The following IKBKE variants were observed in gnomAD, a reference collection of about 807,000 sequenced individuals.
IKBKE encodes inhibitor of nuclear factor kappa B kinase subunit epsilon.
In IKBKE, 45 loss-of-function variants were observed where a neutral mutation model predicts 92.1. That is an observed-to-expected ratio of 0.49 (90% CI 0.38 to 0.63). The LOEUF is 0.63. Ranked by LOEUF, IKBKE falls within the 20% of genes least tolerant of loss-of-function variation. The pLI is 0.00. For missense variants in IKBKE, 700 were observed against 932.8 expected, an observed-to-expected ratio of 0.75 and a Z score of 3.25; for synonymous variants, 374 against 380.3, an observed-to-expected ratio of 0.98 and a Z score of 0.19.
rs375733799 is a variant in IKBKE, at chr1:206,487,902, T to C, written c.1617-12T>C. On this transcript the variant is annotated splice_polypyrimidine_tract_variant and intron_variant, in intron 15 of 21. Coordinates refer to ENST00000581977, the MANE Select transcript of IKBKE (RefSeq NM_014002.4). The surrounding 1 kb of genome is among the most constrained non-coding windows in gnomAD (Gnocchi z 5.3). The stretch of plus-strand genomic sequence containing the variant: ...ATTCTTCCAACACCTGGTCCCTGTC[T>C]CCTGCCCACAGCATCCAGCAGATTC... 5.8e-5 allele frequency: 93 copies of C among 1,611,484 alleles called. 1 individual carries two copies. The African/African-American group carries it at 8.4e-4, about 15-fold the overall frequency.
chr1:206,488,170 AGGCCCCTGTCTGCAAGC>A (rs1665764918), intron 16 of IKBKE, among the ~76,000 whole-genome samples, 180 bp downstream of exon 16: 1 of 152,254 alleles, frequency 6.6e-6, no homozygotes, highest in African/African-American at 2.4e-5. Context: ...TCTAGGGGCA[AGGCCCCTGTCTGCAAGC>A]TGCCTGCAGG....
At chr1:206,484,793 A>G (rs140326335) in intron 13 of IKBKE, among the ~76,000 whole-genome samples, 81 of 152,224 alleles carry the variant, frequency 5.3e-4, no homozygotes, top group Admixed American at 1.2e-3. Flanking sequence ...TATTTGCAAT[A>G]CTCAACAATG....
chr1:206,496,299 C>T lies in IKBKE; in HGVS notation c.*154C>T. 6.0e-6 allele frequency: 4 copies of T among 668,032 alleles called. No individual in the cohort carries two copies. The highest frequency in any genetic ancestry group is 8.2e-6 in the Non-Finnish European group (3 of 367,910). 41.4% of individuals were successfully genotyped at this position (668,032 alleles called of 1,614,324 possible). A position where few individuals can be genotyped will look rare whatever the true frequency, so the allele number is the denominator to read the frequency against. Reference sequence around the variant, plus strand: ...CCAGGATGTCGCCAGCATTACCTTCCACTGCCTTTCTCCCTGGGAAGCAGC... The same window carrying T: ...CCAGGATGTCGCCAGCATTACCTTCTACTGCCTTTCTCCCTGGGAAGCAGC... On this transcript the variant is annotated 3_prime_UTR_variant, in exon 22 of 22. Coordinates refer to ENST00000581977, the MANE Select transcript of IKBKE (RefSeq NM_014002.4).
rs1665736004 is a variant in IKBKE, at chr1:206,487,698, GGAA to G, written c.1617-212_1617-210del. On this transcript the variant is annotated intron_variant, in intron 15 of 21. Coordinates refer to ENST00000581977, the MANE Select transcript of IKBKE (RefSeq NM_014002.4). The surrounding 1 kb of genome is among the most constrained non-coding windows in gnomAD (Gnocchi z 5.3). ...GCTGCGAGTGCATGTGTGTGAGAGA[GGAA>G]GAATAAGCCATGAGAACGAGAGACG... 6.6e-6 allele frequency among the ~76,000 whole-genome samples: 1 copy of G among 152,142 alleles called. No homozygotes were observed. The highest frequency in any genetic ancestry group is 1.9e-4 in the East Asian group (1 of 5,182).
chr1:206,480,806 G>A (rs1665342030), intron 13 of IKBKE, among the ~76,000 whole-genome samples: 1 of 152,200 alleles, frequency 6.6e-6, no homozygotes, highest in African/African-American at 2.4e-5. Flanking sequence ...CCTATCCCAA[G>A]AAGGGGCTTG....
At position 206,479,851 on chromosome 1, in the gene IKBKE, A is replaced by G. The variant is rs782510975; in HGVS notation, c.1184-19A>G. The G allele has an allele frequency of 1.2e-6, 2 of 1,613,476 alleles. No individual in the cohort carries two copies. Among genetic ancestry groups the G allele is most frequent in the South Asian group, 1.1e-5 (1 of 90,922 alleles). ...AGCACCATACAGGCAGGCCCCTCAG[A>G]CAGGGTCTTTGTCTGCAGCTGCTCT... On this transcript the variant is annotated intron_variant, in intron 10 of 21. Coordinates refer to ENST00000581977, the MANE Select transcript of IKBKE (RefSeq NM_014002.4).
At position 206,487,892 on chromosome 1, in the gene IKBKE, G is replaced by C. The variant is rs149264386; in HGVS notation, c.1617-22G>C. On this transcript the variant is annotated intron_variant, in intron 15 of 21. Coordinates refer to ENST00000581977, the MANE Select transcript of IKBKE (RefSeq NM_014002.4). This position sits in a 1 kb window ranked among gnomAD's most constrained non-coding sequence, Gnocchi z 5.3. ...GTGCTATTAGATTCTTCCAACACCT[G>C]GTCCCTGTCTCCTGCCCACAGCATC... The C allele has an allele frequency of 9.4e-6, 15 of 1,602,960 alleles. No individual in the cohort carries two copies. In the East Asian group the frequency reaches 3.1e-4, roughly 33 times the overall value.
At chr1:206,474,202 G>A in intron 3 of IKBKE, 129 bp from the exon 4 acceptor site, 1 of 850,378 alleles carries the variant, frequency 1.2e-6, no homozygotes, top group Non-Finnish European at 1.9e-6. Context: ...CATCCAACCA[G>A]GCTAATCTCT....
At chr1:206,488,264 T>C (rs1553389310) in intron 16 of IKBKE, among the ~76,000 whole-genome samples, 3 of 152,218 alleles carry the variant, frequency 2.0e-5, no homozygotes, top group Non-Finnish European at 4.4e-5. Context: ...ATCACATGGT[T>C]GGGGGATCCA....
Position 206,476,988 on chromosome 1 carries a change from T to G in IKBKE, c.701+150T>G. 1 of 795,670 alleles carries G rather than the reference T, an allele frequency of 1.3e-6. No individual in the cohort carries two copies. The allele number at this position is 795,670 out of a possible 1,614,324, so 49.3% of individuals were successfully genotyped here. A position where few individuals can be genotyped will look rare whatever the true frequency, so the allele number is the denominator to read the frequency against. ...CCCAGGCTCTTTGTAGATCTTTTTTTGTTAATGGGATCAAACAAGCAGCTG... is the reference window on the plus strand; with the variant it reads ...CCCAGGCTCTTTGTAGATCTTTTTTGGTTAATGGGATCAAACAAGCAGCTG... On this transcript the variant is annotated intron_variant, in intron 7 of 21. Transcript: ENST00000581977. The surrounding 1 kb of genome is among the most constrained non-coding windows in gnomAD (Gnocchi z 5.1).
rs1553391465 is a variant in IKBKE, at chr1:206,493,992, G to A, written c.2117+1G>A. The A allele has an allele frequency of 1.2e-6, 2 of 1,613,760 alleles. No individual in the cohort carries two copies. The highest frequency in any genetic ancestry group is 1.7e-6 in the Non-Finnish European group (2 of 1,179,656). ...TGGACAACAACCGCATCATCGAACGGTAAGGAGCTTTCACCTTGTGTAGGT... is the reference window on the plus strand; with the variant it reads ...TGGACAACAACCGCATCATCGAACGATAAGGAGCTTTCACCTTGTGTAGGT... On this transcript the variant is annotated splice_donor_variant, in intron 21 of 21. Transcript: ENST00000581977. LOFTEE classifies it high-confidence loss of function.
chr1:206,472,796 T>C lies in IKBKE; in HGVS notation c.-32-400T>C, dbSNP rs1011690064. 4.4e-5 allele frequency: 11 copies of C among 250,240 alleles called. No individual in the cohort carries two copies. The Admixed American group carries it at 5.5e-4, about 13-fold the overall frequency. The allele number at this position is 250,240 out of a possible 1,614,324, so 15.5% of individuals were successfully genotyped here. On this transcript the variant is annotated intron_variant, in intron 2 of 21. Transcript: ENST00000581977. ...CCCTGACCCTGGGCCCTTCCTCCTA[T>C]ACTGTTTCTGTTTCCTGGGACAATC...
Position 206,485,483 on chromosome 1 carries a change from C to T in IKBKE, c.1616+177C>T, listed in dbSNP as rs980371956. ...ATAAACAAGAACCCCCCGACTGCCC[C>T]AGACACCAGCCAGGAGGAGAAAAGG... is the stretch of plus-strand genomic sequence containing the variant. On this transcript the variant is annotated intron_variant, in intron 15 of 21. Coordinates refer to ENST00000581977, the MANE Select transcript of IKBKE (RefSeq NM_014002.4). The surrounding 1 kb of genome is among the most constrained non-coding windows in gnomAD (Gnocchi z 5.0). Among the ~76,000 whole-genome samples the T allele has an allele frequency of 2.6e-5, 4 of 152,174 alleles. No individual in the cohort carries two copies. Among genetic ancestry groups the T allele is most frequent in the African/African-American group, 9.7e-5 (4 of 41,436 alleles).
At position 206,496,599 on chromosome 1, in the gene IKBKE, G is replaced by A. The variant is rs552037002; in HGVS notation, c.*454G>A. ...TCACAGTCTTCCTTCCTCTTCAAGC[G>A]TTTCATGTTGAACACAGCTCTCTCC... On this transcript the variant is annotated 3_prime_UTR_variant, in exon 22 of 22. Coordinates refer to ENST00000581977, the MANE Select transcript of IKBKE (RefSeq NM_014002.4). 7.5e-5 allele frequency: 18 copies of A among 241,370 alleles called. No homozygotes were observed. Among genetic ancestry groups the A allele is most frequent in the Admixed American group, 3.3e-4 (6 of 18,254 alleles). The allele number at this position is 241,370 out of a possible 1,614,324, so 15.0% of individuals were successfully genotyped here.
intron 5 of IKBKE, among the ~76,000 whole-genome samples, chr1:206,475,453 G>T (rs1665007760): frequency 6.6e-6 from 1 of 152,230 alleles, no homozygotes. Context: ...TGAAGAATGA[G>T]GCCGGGTGCA....
At chr1:206,470,836 T>A (rs1285742962) in intron 1 of IKBKE, 138 bp downstream of exon 1, 8 of 152,158 alleles carry the variant, frequency 5.3e-5, no homozygotes. Context: ...GTGTGTGGCA[T>A]GGAGGTGAGC....
intron 18 of IKBKE, chr1:206,492,511 T>C (rs1382318374): frequency 2.1e-6 from 1 of 471,238 alleles, no homozygotes; most frequent in African/African-American, 2.0e-5. Flanking sequence ...AGGGCTTGGA[T>C]GTCAGTGTAG....
intron 18 of IKBKE, 45 bp downstream of exon 18, chr1:206,491,794 C>G: frequency 3.5e-6 from 5 of 1,408,458 alleles, no homozygotes; most frequent in South Asian, 1.2e-5. Context: ...CCTGGCCTGG[C>G]CCTTCTAGGC....
chr1:206,485,101 G>C lies in IKBKE; in HGVS notation c.1503+29G>C. On this transcript the variant is annotated intron_variant, in intron 14 of 21. Transcript: ENST00000581977. The surrounding 1 kb of genome is among the most constrained non-coding windows in gnomAD (Gnocchi z 5.0). Reference sequence around the variant, plus strand: ...AGTGAGGCTGGAGGGCAAGGGCTTAGCAGGATCAGAGCTGGGGGCCCGTGT... The same window carrying C: ...AGTGAGGCTGGAGGGCAAGGGCTTACCAGGATCAGAGCTGGGGGCCCGTGT... 1 of 1,608,758 alleles carries C rather than the reference G, an allele frequency of 6.2e-7. No individual in the cohort carries two copies. Among genetic ancestry groups the C allele is most frequent in the South Asian group, 1.1e-5 (1 of 91,000 alleles).
Sources: allele counts gnomAD v4.1 joint callset (sites outside exome capture counted in the v4.1 genomes callset), GRCh38; gene constraint gnomAD v4.1.1; non-coding constraint Gnocchi (gnomAD v3.1); transcripts MANE v1.5; gene names NCBI Gene and HGNC (gene_info 2026-07-23, HGNC 2026-07-21).